Variants in CYP20A1 observed in about 807,000 individuals in gnomAD.
CYP20A1 encodes the protein cytochrome P450 family 20 subfamily A member 1.
In CYP20A1, 61 loss-of-function variants were observed where a neutral mutation model predicts 61.4. That is an observed-to-expected ratio of 0.99 (90% CI 0.81 to 1.23). CYP20A1 has a LOEUF of 1.23. Among genes scored for constraint, CYP20A1 ranks in the 50% most tolerant of loss-of-function variants. CYP20A1 has a pLI of 0.00. For synonymous variants in CYP20A1, 193 were observed against 188.2 expected, an observed-to-expected ratio of 1.03 and a Z score of -0.21; for missense variants, 530 against 542.4, an observed-to-expected ratio of 0.98 and a Z score of 0.23.
At chr2:203,256,064 C>T (rs368486822) in intron 4 of CYP20A1, among the ~76,000 whole-genome samples, 11 of 152,228 alleles carry the variant, frequency 7.2e-5, no homozygotes, top group African/African-American at 2.2e-4. Flanking sequence ...CCTGGGCCCA[C>T]GGGATCCTCC....
chr2:203,253,121 C>T lies in CYP20A1; in HGVS notation c.432+1012C>T, dbSNP rs575713143. Among the ~76,000 whole-genome samples, 265 of 152,314 alleles carry T rather than the reference C, an allele frequency of 1.7e-3. 1 individual carries two copies. The highest frequency in any genetic ancestry group is 6.0e-3 in the African/African-American group (251 of 41,568). On this transcript the variant is annotated intron_variant, in intron 4 of 12. Coordinates refer to ENST00000356079, the MANE Select transcript of CYP20A1 (RefSeq NM_177538.3). Reference sequence around the variant, plus strand: ...GACGAGCCACTCTTGTCACCCCAAGCCCCTCTGGGTCAGACTATTCGGCAC... The same window carrying T: ...GACGAGCCACTCTTGTCACCCCAAGTCCCTCTGGGTCAGACTATTCGGCAC...
intron 3 of CYP20A1, among the ~76,000 whole-genome samples, chr2:203,250,848 AG>A (rs2066638264): frequency 6.6e-6 from 1 of 151,856 alleles, no homozygotes; most frequent in Non-Finnish European, 1.5e-5. Context: ...GCGGATCACG[AG>A]GTCAGGAGAT....
intron 11 of CYP20A1, among the ~76,000 whole-genome samples, chr2:203,294,551 GATA>G (rs2068690673): frequency 6.6e-6 from 1 of 151,920 alleles, no homozygotes; most frequent in African/African-American, 2.4e-5. Flanking sequence ...AAAAAATAAT[GATA>G]ATAATCACAC....
chr2:203,292,245 A>ATT lies in CYP20A1; in HGVS notation c.1084-7_1084-6dup. The ATT allele has an allele frequency of 2.8e-5, 36 of 1,294,696 alleles. No homozygotes were observed. Among genetic ancestry groups the ATT allele is most frequent in the South Asian group, 1.1e-4 (8 of 71,656 alleles). 80.2% of individuals were successfully genotyped at this position (1,294,696 alleles called of 1,614,324 possible). On this transcript the variant is annotated splice_polypyrimidine_tract_variant and intron_variant, in intron 10 of 12. Coordinates refer to ENST00000356079, the MANE Select transcript of CYP20A1 (RefSeq NM_177538.3). ...TCTCTGTTAGTCCTTGACTAATTGG[A>ATT]TTTTTTTTTTTCACAGACCCTCGTC...
chr2:203,281,389 C>G (rs1162842192), intron 8 of CYP20A1, among the ~76,000 whole-genome samples: 1 of 152,020 alleles, frequency 6.6e-6, no homozygotes, highest in African/African-American at 2.4e-5. Context: ...CACTTGTAAT[C>G]CCAGTTATGT....
chr2:203,286,091 T>G (rs1559105502), intron 9 of CYP20A1, among the ~76,000 whole-genome samples: 1 of 152,152 alleles, frequency 6.6e-6, no homozygotes, highest in Admixed American at 6.6e-5. Context: ...GTGGATCACT[T>G]AAGCCTAGTA....
At chr2:203,288,725 C>A (rs529304430) in intron 9 of CYP20A1, among the ~76,000 whole-genome samples, 1 of 152,222 alleles carries the variant, frequency 6.6e-6, no homozygotes, top group Non-Finnish European at 1.5e-5. Flanking sequence ...CCAAATATTT[C>A]TGTATAATAA....
intron 10 of CYP20A1, among the ~76,000 whole-genome samples, chr2:203,291,094 A>ATAAT: frequency 6.6e-6 from 1 of 152,066 alleles, no homozygotes; most frequent in Admixed American, 6.6e-5. Context: ...TTATTTTTAG[A>ATAAT]CAGGGTCTTG....
chr2:203,263,434 C>T (rs919748565), intron 4 of CYP20A1, among the ~76,000 whole-genome samples: 3 of 151,866 alleles, frequency 2.0e-5, no homozygotes, highest in South Asian at 2.1e-4. Flanking sequence ...GGATTACAGG[C>T]GCCTGCCACC....
At chr2:203,239,176 C>CA in intron 1 of CYP20A1, 42 bp downstream of exon 1, 1 of 1,547,260 alleles carries the variant, frequency 6.5e-7, no homozygotes. Flanking sequence ...GGCGCCGCCC[C>CA]AGTCTCTCTG....
rs1216248900 is a variant in CYP20A1 at position 203,305,023 on chromosome 2, CTT to C, written c.*8116_*8117del. Among the ~76,000 whole-genome samples, 1 of 151,996 alleles carries C rather than the reference CTT, an allele frequency of 6.6e-6. No homozygotes were observed. The highest frequency in any genetic ancestry group is 1.5e-5 in the Non-Finnish European group (1 of 68,026). ...AATAGGCTTTTTTAAAGGGAATAGACTTATAGATCAATTTTAATATTTGACTT... is the reference window on the plus strand; with the variant it reads ...AATAGGCTTTTTTAAAGGGAATAGACATAGATCAATTTTAATATTTGACTT... On this transcript the variant is annotated 3_prime_UTR_variant, in exon 13 of 13. Coordinates refer to ENST00000356079, the MANE Select transcript of CYP20A1 (RefSeq NM_177538.3).
At chr2:203,280,032 CT>C in intron 7 of CYP20A1, 26 bp from the exon 8 acceptor site, 1 of 1,576,832 alleles carries the variant, frequency 6.3e-7, no homozygotes, top group South Asian at 1.2e-5. Context: ...ATTTTTCACA[CT>C]TTCTAAACTT....
At chr2:203,254,343 G>C (rs556081367) in intron 4 of CYP20A1, among the ~76,000 whole-genome samples, 1 of 152,046 alleles carries the variant, frequency 6.6e-6, no homozygotes, top group South Asian at 2.1e-4. Flanking sequence ...TCAGGAGTTC[G>C]AGACTGGCCT....
At chr2:203,280,158 T>A in intron 8 of CYP20A1, 45 bp downstream of exon 8, 1 of 1,485,378 alleles carries the variant, frequency 6.7e-7, no homozygotes, top group Non-Finnish European at 9.2e-7. Flanking sequence ...ACTAAATATA[T>A]AGGCTGAGCA....
chr2:203,262,701 T>G (rs1201071593), intron 4 of CYP20A1, among the ~76,000 whole-genome samples: 1 of 152,056 alleles, frequency 6.6e-6, no homozygotes, highest in Non-Finnish European at 1.5e-5. Flanking sequence ...TGTTTTTTGT[T>G]TTTTTTTGAG....
intron 1 of CYP20A1, among the ~76,000 whole-genome samples, chr2:203,240,165 T>G (rs2066205314): frequency 6.6e-6 from 1 of 152,202 alleles, no homozygotes. Flanking sequence ...CAGTGAAAGT[T>G]GAAAAGTAGC....
chr2:203,267,067 G>A (rs2067353790), intron 5 of CYP20A1, among the ~76,000 whole-genome samples: 1 of 151,426 alleles, frequency 6.6e-6, no homozygotes, highest in Admixed American at 6.6e-5. Context: ...TGAGGCAGGA[G>A]GGATTGATTA....
At chr2:203,251,532 G>A (rs1440206829) in intron 3 of CYP20A1, among the ~76,000 whole-genome samples, 1 of 151,488 alleles carries the variant, frequency 6.6e-6, no homozygotes, top group African/African-American at 2.4e-5. Context: ...CACTTTGGGA[G>A]GCTGAGGCAG....
chr2:203,275,040 C>G (rs1291703570), intron 6 of CYP20A1, among the ~76,000 whole-genome samples: 1 of 152,192 alleles, frequency 6.6e-6, no homozygotes, highest in Non-Finnish European at 1.5e-5. Flanking sequence ...TCAGAGCTTC[C>G]TTTGTTTAAT....
Sources: gnomAD v4.1 joint callset for allele counts (sites outside exome capture counted in the v4.1 genomes callset) on GRCh38, gnomAD v4.1.1 for gene constraint, MANE v1.5 for transcripts, NCBI Gene and HGNC (gene_info 2026-07-23, HGNC 2026-07-21) for gene names.